Variants in NAV3 observed in about 807,000 individuals in gnomAD.
NAV3 encodes pore membrane and/or filament interacting like protein 1.
Under a neutral mutation model 244.7 loss-of-function variants are expected in NAV3, and 87 were observed. That is an observed-to-expected ratio of 0.36 (90% CI 0.30 to 0.42). NAV3 has a LOEUF of 0.42. Among genes scored for constraint, NAV3 ranks in the 20% least tolerant of loss-of-function variants. The probability of loss-of-function intolerance (pLI) is 1.00; values close to 1 mark genes in which losing one functional copy is unlikely to be tolerated. For synonymous variants in NAV3, 1,126 were observed against 1,042.2 expected (o/e 1.08, Z -1.55); for missense variants, 2,663 against 2,893.3 (o/e 0.92, Z 1.83).
At chr12:77,885,972 A>G (rs1001950305) in intron 1 of NAV3, among the ~76,000 whole-genome samples, 2 of 152,104 alleles carry the variant, frequency 1.3e-5, no homozygotes, top group African/African-American at 4.8e-5. Flanking sequence ...TTATCTATTT[A>G]TTTAAGCCAA....
At chr12:77,687,736 C>G (rs1271704324) in intron 2 of NAV3, among the ~76,000 whole-genome samples, 7 of 152,036 alleles carry the variant, frequency 4.6e-5, no homozygotes, top group Non-Finnish European at 8.8e-5. Context: ...TAGATCGGTT[C>G]CATAAGCCTC....
chr12:77,993,814 G>A (rs1408359190), intron 5 of NAV3, among the ~76,000 whole-genome samples: 1 of 152,028 alleles, frequency 6.6e-6, no homozygotes, highest in South Asian at 2.1e-4. Context: ...TTCCTTGGAG[G>A]CCTTGAAAAC....
intron 1 of NAV3, among the ~76,000 whole-genome samples, chr12:77,867,059 T>C (rs1013428927): frequency 3.9e-5 from 6 of 152,124 alleles, no homozygotes; most frequent in African/African-American, 1.4e-4. Context: ...AAGTAACTAG[T>C]CTGAGTTACT....
chr12:77,879,904 G>A (rs190785678), intron 1 of NAV3, among the ~76,000 whole-genome samples: 22 of 152,134 alleles, frequency 1.4e-4, no homozygotes, highest in Admixed American at 5.2e-4. Context: ...AGAGATGTGC[G>A]TTCAAATGCT....
intron 1 of NAV3, among the ~76,000 whole-genome samples, chr12:77,912,574 C>T (rs1886709318): frequency 6.6e-6 from 1 of 152,054 alleles, no homozygotes; most frequent in South Asian, 2.1e-4. Context: ...ACTTTTAAAA[C>T]ATACTATTAT....
chr12:77,910,144 G>A (rs778821809), intron 1 of NAV3, among the ~76,000 whole-genome samples: 2 of 152,034 alleles, frequency 1.3e-5, no homozygotes, highest in East Asian at 1.9e-4. Context: ...GGTTATTTGA[G>A]ACCGGGTAAT....
chr12:78,014,387 T>A (rs1269427962), intron 8 of NAV3, among the ~76,000 whole-genome samples: 3 of 152,144 alleles, frequency 2.0e-5, no homozygotes, highest in Non-Finnish European at 4.4e-5. Context: ...AAGGCACTAT[T>A]CATAAGGAGA....
intron 16 of NAV3, among the ~76,000 whole-genome samples, chr12:78,123,514 T>A (rs982174290): frequency 3.0e-5 from 4 of 132,180 alleles, no homozygotes; most frequent in Admixed American, 2.5e-4. Context: ...AATTTGAAAT[T>A]CCCCATTTTC....
At chr12:78,062,433 G>A (rs1404680648) in intron 12 of NAV3, among the ~76,000 whole-genome samples, 1 of 152,026 alleles carries the variant, frequency 6.6e-6, no homozygotes, top group Admixed American at 6.6e-5. Flanking sequence ...CTGGGGTTGT[G>A]TACATTTGAA....
At chr12:78,090,962 G>A (rs796945752) in intron 12 of NAV3, among the ~76,000 whole-genome samples, 1 of 114,674 alleles carries the variant, frequency 8.7e-6, no homozygotes, top group Non-Finnish European at 1.9e-5. Context: ...TTCTGTGTGT[G>A]TGTGTGTGTG....
At chr12:78,026,393 A>G (rs548830514) in intron 9 of NAV3, among the ~76,000 whole-genome samples, 105 of 152,290 alleles carry the variant, frequency 6.9e-4, no homozygotes, top group African/African-American at 2.4e-3. Context: ...CTCCATTTTG[A>G]TTAATAAGAA....
Position 78,145,034 on chromosome 12 carries a change from T to A in NAV3, c.4684-1335T>A, listed in dbSNP as rs527806146. On this transcript the variant is annotated intron_variant, in intron 20 of 39. Transcript: ENST00000397909. ...CATAGTTACATAGTTAATTGTGCCA[T>A]ATGTTTTAAGGCAATGAAACTTTTA... 2.9e-4 allele frequency: 87 copies of A among 300,508 alleles called. 1 individual carries two copies. Among genetic ancestry groups the A allele is most frequent in the African/African-American group, 1.8e-3 (78 of 43,764 alleles). The allele number at this position is 300,508 out of a possible 1,614,324, so 18.6% of individuals were successfully genotyped here.
intron 1 of NAV3, among the ~76,000 whole-genome samples, chr12:77,874,798 T>C (rs1247763677): frequency 6.6e-6 from 1 of 152,126 alleles, no homozygotes; most frequent in Non-Finnish European, 1.5e-5. Flanking sequence ...ATCCTTACTA[T>C]GTTATTATAA....
intron 9 of NAV3, among the ~76,000 whole-genome samples, chr12:78,045,316 G>A (rs990831199): frequency 4.0e-5 from 6 of 151,688 alleles, no homozygotes; most frequent in African/African-American, 1.5e-4. Context: ...TTTTTGTTGA[G>A]GCAGAGTCTT....
intron 1 of NAV3, among the ~76,000 whole-genome samples, chr12:77,867,545 A>G (rs997911200): frequency 1.3e-4 from 19 of 151,942 alleles, no homozygotes; most frequent in East Asian, 3.9e-4. Flanking sequence ...TCAGCCTCCC[A>G]AGTAGCTGGG....
chr12:77,633,310 TCTTAAACA>T (rs1440099428), intron 2 of NAV3, among the ~76,000 whole-genome samples: 1 of 152,094 alleles, frequency 6.6e-6, no homozygotes, highest in Non-Finnish European at 1.5e-5. Flanking sequence ...ATAATTAGAC[TCTTAAACA>T]CTTAGTGTTT....
At chr12:78,044,318 G>T (rs1881392639) in intron 9 of NAV3, among the ~76,000 whole-genome samples, 1 of 152,146 alleles carries the variant, frequency 6.6e-6, no homozygotes, top group Non-Finnish European at 1.5e-5. Context: ...GTACCATGCT[G>T]TTTTGATTAC....
chr12:77,690,537 A>G (rs989937020), intron 2 of NAV3, among the ~76,000 whole-genome samples: 5 of 151,520 alleles, frequency 3.3e-5, no homozygotes, highest in African/African-American at 9.7e-5. Context: ...TGTCAAAGGC[A>G]TATTTATCCC....
rs1876062084 is a variant in NAV3 at position 77,710,622 on chromosome 12, TA to T, written c.72+138358del. On this transcript the variant is annotated intron_variant, in intron 2 of 8. Coordinates refer to the NAV3 transcript ENST00000550042. ...TATAATATATGGCATAATCATTATT[TA>T]ATTAGCATATCAATAAAAATGATGT... 1.3e-5 allele frequency among the ~76,000 whole-genome samples: 2 copies of T among 152,210 alleles called. 1 individual carries two copies. Among genetic ancestry groups the T allele is most frequent in the South Asian group, 4.1e-4 (2 of 4,832 alleles).
Sources: gnomAD v4.1 joint callset for allele counts (sites outside exome capture counted in the v4.1 genomes callset) on GRCh38, gnomAD v4.1.1 for gene constraint, MANE v1.5 for transcripts, NCBI Gene and HGNC (gene_info 2026-07-23, HGNC 2026-07-21) for gene names.